TRAPPC9: variants seen among roughly 807,000 people sequenced by gnomAD.
The protein encoded by TRAPPC9 is IKK2 binding protein.
TRAPPC9 carries 83 observed loss-of-function variants against 124.0 expected under a neutral mutation model. The observed-to-expected ratio is 0.67, with a 90% CI of 0.56 to 0.80. The LOEUF is 0.80. TRAPPC9 is among the 30% of genes least tolerant of loss of function. TRAPPC9 has a pLI of 0.00. For missense variants in TRAPPC9, 1,302 were observed against 1,508.3 expected, an observed-to-expected ratio of 0.86 and a Z score of 2.27; for synonymous variants, 638 against 617.5, an observed-to-expected ratio of 1.03 and a Z score of -0.49.
intron 17 of TRAPPC9, among the ~76,000 whole-genome samples, chr8:140,068,166 T>C (rs1322845995): frequency 6.6e-6 from 1 of 152,084 alleles, no homozygotes; most frequent in Non-Finnish European, 1.5e-5. Context: ...ACGGCCCCAG[T>C]GCTATGCGTG....
At chr8:139,796,703 G>A (rs907801451) in intron 21 of TRAPPC9, among the ~76,000 whole-genome samples, 3 of 152,210 alleles carry the variant, frequency 2.0e-5, no homozygotes, top group Non-Finnish European at 4.4e-5. Flanking sequence ...TATGAACAAC[G>A]GTGCTATGAA....
chr8:140,165,620 A>G (rs2061823505), intron 17 of TRAPPC9, among the ~76,000 whole-genome samples: 1 of 107,384 alleles, frequency 9.3e-6, no homozygotes, highest in Non-Finnish European at 1.8e-5. Flanking sequence ...GCAAGGAGGG[A>G]AGGGAAGCAA....
intron 19 of TRAPPC9, among the ~76,000 whole-genome samples, chr8:139,976,180 C>A (rs559255464): frequency 6.6e-6 from 1 of 151,984 alleles, no homozygotes; most frequent in East Asian, 1.9e-4. Flanking sequence ...CGTGAGCCAC[C>A]GCGCCTGGCC....
At chr8:140,197,465 G>A (rs1344973011) in intron 17 of TRAPPC9, among the ~76,000 whole-genome samples, 2 of 152,130 alleles carry the variant, frequency 1.3e-5, no homozygotes, top group African/African-American at 2.4e-5. Context: ...AGGGGCTGAG[G>A]AAATAAAGGC....
chr8:139,917,323 C>T (rs560074952), intron 19 of TRAPPC9, among the ~76,000 whole-genome samples: 9 of 151,810 alleles, frequency 5.9e-5, no homozygotes, highest in South Asian at 2.1e-4. Flanking sequence ...TGGGACTACA[C>T]GCGCCTGCCA....
At chr8:140,015,251 T>G (rs748863966) in intron 18 of TRAPPC9, among the ~76,000 whole-genome samples, 7 of 152,210 alleles carry the variant, frequency 4.6e-5, no homozygotes, top group Non-Finnish European at 4.4e-5. Flanking sequence ...CCCTGTCACC[T>G]GCAAGCTGTG....
intron 17 of TRAPPC9, among the ~76,000 whole-genome samples, chr8:140,166,222 C>A: frequency 6.6e-6 from 1 of 152,220 alleles, no homozygotes; most frequent in Non-Finnish European, 1.5e-5. Context: ...CCCTTCCCAG[C>A]AGCCTGGCTG....
intron 20 of TRAPPC9, among the ~76,000 whole-genome samples, chr8:139,898,318 C>A (rs542251676): frequency 2.0e-5 from 3 of 152,316 alleles, no homozygotes; most frequent in African/African-American, 4.8e-5. Flanking sequence ...CCAAACTAGA[C>A]CCCGGTAAGC....
At chr8:140,003,909 G>C (rs1260663263) in intron 18 of TRAPPC9, among the ~76,000 whole-genome samples, 1 of 152,196 alleles carries the variant, frequency 6.6e-6, no homozygotes, top group Non-Finnish European at 1.5e-5. Flanking sequence ...ATTTACAGCA[G>C]CTCTATTCAT....
chr8:139,799,642 G>A (rs778573994), intron 21 of TRAPPC9, among the ~76,000 whole-genome samples: 25 of 152,120 alleles, frequency 1.6e-4, no homozygotes, highest in African/African-American at 4.3e-4. Flanking sequence ...TGAAAATTCC[G>A]TGCCCTGTCT....
intron 15 of TRAPPC9, among the ~76,000 whole-genome samples, chr8:140,260,211 C>G (rs1445385242): frequency 2.0e-5 from 3 of 152,164 alleles, no homozygotes; most frequent in African/African-American, 7.2e-5. Context: ...CCACCACCCT[C>G]CAATTTAGTA....
At chr8:140,045,633 A>G (rs1024269779) in intron 17 of TRAPPC9, among the ~76,000 whole-genome samples, 3 of 84,988 alleles carry the variant, frequency 3.5e-5, no homozygotes, top group African/African-American at 5.8e-5. Flanking sequence ...TCTCGGCAGA[A>G]AAAAAAAAAA....
At chr8:140,259,098 G>C (rs1253722287) in intron 15 of TRAPPC9, among the ~76,000 whole-genome samples, 1 of 152,192 alleles carries the variant, frequency 6.6e-6, no homozygotes, top group African/African-American at 2.4e-5. Flanking sequence ...CAACATCGTG[G>C]GATGGGCACC....
chr8:140,176,604 G>C (rs1430807295), intron 17 of TRAPPC9, among the ~76,000 whole-genome samples: 1 of 152,200 alleles, frequency 6.6e-6, no homozygotes, highest in Non-Finnish European at 1.5e-5. Context: ...GGGCTATTAT[G>C]AATAAAGCTG....
intron 21 of TRAPPC9, among the ~76,000 whole-genome samples, chr8:139,854,519 C>T (rs1355707835): frequency 6.6e-6 from 1 of 152,230 alleles, no homozygotes; most frequent in Non-Finnish European, 1.5e-5. Context: ...AGAACGCCTT[C>T]AGTAAGGGCA....
At chr8:139,918,305 T>C (rs1832276724) in intron 19 of TRAPPC9, among the ~76,000 whole-genome samples, 1 of 152,238 alleles carries the variant, frequency 6.6e-6, no homozygotes. Context: ...TGGTGTGCTC[T>C]GAGCACTCTG....
chr8:140,124,825 T>C (rs1011965033), intron 17 of TRAPPC9, among the ~76,000 whole-genome samples: 5 of 152,186 alleles, frequency 3.3e-5, no homozygotes, highest in African/African-American at 9.7e-5. Flanking sequence ...GAATCTGCCA[T>C]AGTAGGGGTG....
chr8:140,129,481 C>G (rs549988207), intron 17 of TRAPPC9, among the ~76,000 whole-genome samples: 12 of 152,084 alleles, frequency 7.9e-5, no homozygotes, highest in Admixed American at 5.9e-4. Context: ...CCCAGGGCAT[C>G]GGAGCCAAGG....
At chr8:140,281,148 G>A (rs767480795) in intron 14 of TRAPPC9, among the ~76,000 whole-genome samples, 11 of 152,240 alleles carry the variant, frequency 7.2e-5, no homozygotes, top group Non-Finnish European at 1.6e-4. Context: ...GTCTTGAGCA[G>A]GTACCTAGGA....
Sources: allele counts gnomAD v4.1 joint callset (sites outside exome capture counted in the v4.1 genomes callset), GRCh38; gene constraint gnomAD v4.1.1; transcripts MANE v1.5; gene names NCBI Gene and HGNC (gene_info 2026-07-23, HGNC 2026-07-21).